SLC38A1: variants seen among roughly 807,000 people sequenced by gnomAD.
SLC38A1 encodes the protein sodium-coupled neutral amino acid symporter 1.
SLC38A1 carries 18 observed loss-of-function variants against 60.3 expected under a neutral mutation model. The ratio of observed to expected loss-of-function variants is 0.30; its 90% CI spans 0.21 to 0.44. SLC38A1 has a LOEUF of 0.44. SLC38A1 is among the 20% of genes least tolerant of loss of function. The pLI, the probability that SLC38A1 is intolerant of heterozygous loss-of-function variation, is 1.00. For missense variants in SLC38A1, 448 were observed against 587.2 expected (o/e 0.76, Z 2.45); for synonymous variants, 196 against 212.1 (o/e 0.92, Z 0.66).
chr12:46,201,752 G>A (rs562950314), intron 12 of SLC38A1, among the ~76,000 whole-genome samples: 1 of 151,800 alleles, frequency 6.6e-6, no homozygotes, highest in Non-Finnish European at 1.5e-5. Context: ...GTTCACTCTG[G>A]GGTTGGGATG....
At chr12:46,194,638 C>G (rs1056535425) in intron 16 of SLC38A1, among the ~76,000 whole-genome samples, 1 of 152,150 alleles carries the variant, frequency 6.6e-6, no homozygotes. Flanking sequence ...TTTCTTTTCA[C>G]TCTTTTTTCT....
intron 3 of SLC38A1, among the ~76,000 whole-genome samples, chr12:46,231,150 C>A (rs1254805509): frequency 6.6e-6 from 1 of 152,028 alleles, no homozygotes; most frequent in Non-Finnish European, 1.5e-5. Flanking sequence ...TCTTTTGCAG[C>A]AACGTGGGTA....
In SLC38A1 at chr12:46,197,906, C is replaced by A. The variant is rs1939458213; in HGVS notation, c.1264+13G>T. ...TACTGTAGAATGACAAGCACAAAGT[C>A]ATGAAGCCATACCTACGACTCCAAA... On this transcript the variant is annotated intron_variant, in intron 15 of 16. Coordinates refer to ENST00000398637, the MANE Select transcript of SLC38A1 (RefSeq NM_030674.4). 3 of 1,613,478 alleles carry A rather than the reference C, an allele frequency of 1.9e-6. No homozygotes were observed. Among genetic ancestry groups the A allele is most frequent in the South Asian group, 1.1e-5 (1 of 90,978 alleles).
rs772877275 is a variant in SLC38A1 at position 46,207,593 on chromosome 12, T to C, written c.417A>G (p.Glu139=). The change falls in exon 7 of 17, where the codon GAA becomes GAG. Residue 139 remains glutamate (E), a synonymous_variant. Transcript: ENST00000398637. ...TGCMVYEKLG[E]QVFGTTGKFV... ...ACTTCCCTGTGGTGCCAAAGACTTG[T>C]TCCCCCAGCTTTTCATACACCATGC... 1 of 1,613,950 alleles carries C rather than the reference T, an allele frequency of 6.2e-7. No individual in the cohort carries two copies. Among genetic ancestry groups the C allele is most frequent in the South Asian group, 1.1e-5 (1 of 91,084 alleles).
chr12:46,268,897 C>G lies in SLC38A1; in HGVS notation c.-580G>C. The G allele has an allele frequency of 2.2e-6, 1 of 456,018 alleles. No individual in the cohort carries two copies. Among genetic ancestry groups the G allele is most frequent in the Non-Finnish European group, 4.4e-6 (1 of 226,478 alleles). The allele number at this position is 456,018 out of a possible 1,614,324, so 28.2% of individuals were successfully genotyped here. On this transcript the variant is annotated 5_prime_UTR_variant, in exon 1 of 17. Transcript: ENST00000398637. The surrounding 1 kb of genome is among the most constrained non-coding windows in gnomAD (Gnocchi z 4.4). ...TGCACCGGCGCTGAGGGTCACGAATCGGAGTCATTCTCCTACTGGGGGACG... is the reference window on the plus strand; with the variant it reads ...TGCACCGGCGCTGAGGGTCACGAATGGGAGTCATTCTCCTACTGGGGGACG...
At chr12:46,239,969 C>G (rs1213765900) in intron 2 of SLC38A1, 76 bp from the exon 3 acceptor site, 8 of 602,174 alleles carry the variant, frequency 1.3e-5, no homozygotes, top group Non-Finnish European at 2.3e-5. Context: ...CACAAATAAA[C>G]AAGTAGTTAA....
intron 2 of SLC38A1, among the ~76,000 whole-genome samples, chr12:46,242,801 C>CA (rs113062673): frequency 6.6e-6 from 1 of 151,902 alleles, no homozygotes; most frequent in East Asian, 1.9e-4. Flanking sequence ...GACCCTGTCT[C>CA]AAAAAAATAA....
chr12:46,190,441 G>T (rs1356390749), intron 16 of SLC38A1, among the ~76,000 whole-genome samples: 1 of 152,156 alleles, frequency 6.6e-6, no homozygotes, highest in African/African-American at 2.4e-5. Flanking sequence ...AATCCTTTGG[G>T]TATATACCCA....
intron 1 of SLC38A1, among the ~76,000 whole-genome samples, chr12:46,260,981 G>C (rs1266793615): frequency 6.6e-6 from 1 of 152,112 alleles, no homozygotes; most frequent in African/African-American, 2.4e-5. Flanking sequence ...CTAATCTCTA[G>C]AACCTCAGAC....
chr12:46,218,577 C>T (rs1174672497), intron 5 of SLC38A1, among the ~76,000 whole-genome samples: 2 of 152,120 alleles, frequency 1.3e-5, no homozygotes, highest in Non-Finnish European at 2.9e-5. Context: ...TGCTTAGCCT[C>T]CGTTAATTTT....
intron 11 of SLC38A1, among the ~76,000 whole-genome samples, chr12:46,203,840 A>C (rs899456154): frequency 2.6e-5 from 4 of 152,222 alleles, no homozygotes; most frequent in African/African-American, 9.6e-5. Context: ...TGAGGATTCA[A>C]ATCCAAGCCT....
rs1204244073 is a variant in SLC38A1, at chr12:46,206,067, A to AC, written c.646+12_646+13insG. ...GCACTGCAGAATATGATAAAAGCAAAATCTGTCCTTACCTAAGTTCTTCAA... is the reference window on the plus strand; with the variant it reads ...GCACTGCAGAATATGATAAAAGCAAACATCTGTCCTTACCTAAGTTCTTCAA... On this transcript the variant is annotated intron_variant, in intron 9 of 16. Transcript: ENST00000398637. 1 of 1,587,768 alleles carries AC rather than the reference A, an allele frequency of 6.3e-7. No homozygotes were observed. Among genetic ancestry groups the AC allele is most frequent in the South Asian group, 1.1e-5 (1 of 89,568 alleles).
chr12:46,190,639 G>C (rs1227925928), intron 16 of SLC38A1, among the ~76,000 whole-genome samples: 7 of 152,222 alleles, frequency 4.6e-5, no homozygotes, highest in Non-Finnish European at 8.8e-5. Context: ...TAACTGGTGT[G>C]AGATGGTATC....
chr12:46,221,431 C>A (rs1186751937), intron 5 of SLC38A1, among the ~76,000 whole-genome samples: 1 of 152,160 alleles, frequency 6.6e-6, no homozygotes, highest in African/African-American at 2.4e-5. Context: ...GGAAAGTAGA[C>A]AATGAGCAGC....
chr12:46,189,805 G>T (rs764456999), intron 16 of SLC38A1, among the ~76,000 whole-genome samples: 2 of 152,094 alleles, frequency 1.3e-5, no homozygotes, highest in Non-Finnish European at 2.9e-5. Flanking sequence ...CTGCACATGC[G>T]CTCTGCCTGC....
intron 5 of SLC38A1, among the ~76,000 whole-genome samples, chr12:46,227,625 T>G (rs541195495): frequency 1.6e-3 from 238 of 152,332 alleles, no homozygotes; most frequent in Non-Finnish European, 2.8e-3. Context: ...GGTTAATTTA[T>G]AACTTGACAT....
intron 13 of SLC38A1, 115 bp from the exon 14 acceptor site, chr12:46,198,858 C>A: frequency 1.5e-6 from 1 of 673,188 alleles, no homozygotes; most frequent in Non-Finnish European, 2.6e-6. Flanking sequence ...AGCAATGTTT[C>A]GAAATGTCTA....
At chr12:46,231,754 C>A (rs771710850) in intron 3 of SLC38A1, among the ~76,000 whole-genome samples, 4 of 152,156 alleles carry the variant, frequency 2.6e-5, no homozygotes, top group Non-Finnish European at 5.9e-5. Flanking sequence ...ATTCTAGTGC[C>A]TCAGCCTCCC....
At chr12:46,229,738 G>A (rs1022439470) in intron 3 of SLC38A1, 99 bp from the exon 4 acceptor site, 1 of 1,035,446 alleles carries the variant, frequency 9.7e-7, no homozygotes, top group South Asian at 1.4e-5. Context: ...TACATGAACA[G>A]TTACCAATCA....
Sources: gnomAD v4.1 joint callset for allele counts (sites outside exome capture counted in the v4.1 genomes callset) on GRCh38, gnomAD v4.1.1 for gene constraint, Gnocchi (gnomAD v3.1) non-coding constraint, MANE v1.5 for transcripts, NCBI Gene and HGNC (gene_info 2026-07-23, HGNC 2026-07-21) for gene names.